SGK2: variants seen among roughly 807,000 people sequenced by gnomAD.
SGK2 encodes serine/threonine-protein kinase Sgk2.
A neutral mutation model predicts 47.5 loss-of-function variants in SGK2; 36 were observed. The observed-to-expected ratio is 0.76, with a 90% confidence interval of 0.58 to 1.00. The LOEUF (loss-of-function observed/expected upper bound fraction) is 1.00. Ranked by LOEUF, SGK2 falls within the 50% of genes least tolerant of loss-of-function variation. SGK2 has a pLI of 0.00. For synonymous variants in SGK2, 157 were observed against 181.9 expected (o/e 0.86, Z 1.10); for missense variants, 404 against 467.4 (o/e 0.86, Z 1.25).
At chr20:43,574,776 AAC>A (rs1980362552) in intron 9 of SGK2, 131 bp from the exon 10 acceptor site, 99 of 615,348 alleles carry the variant, frequency 1.6e-4, no homozygotes, top group Middle Eastern at 2.7e-4. Context: ...CTGATGCATG[AAC>A]ACACACACAG....
At chr20:43,576,406 G>A (rs1305736690) in intron 11 of SGK2, 27 bp downstream of exon 11, 1 of 1,606,790 alleles carries the variant, frequency 6.2e-7, no homozygotes. Flanking sequence ...TGGAGCACTG[G>A]CCCCCATGGG....
At chr20:43,566,267 T>G in intron 1 of SGK2, 10 of 1,391,140 alleles carry the variant, frequency 7.2e-6, no homozygotes, top group Non-Finnish European at 1.0e-5. Flanking sequence ...CCTTCTGAGA[T>G]GTTTGTTAGG....
chr20:43,579,410 G>C (rs1374967796), intron 11 of SGK2, among the ~76,000 whole-genome samples: 1 of 152,158 alleles, frequency 6.6e-6, no homozygotes, highest in African/African-American at 2.4e-5. Context: ...AACACAGATA[G>C]AGGATGTGAT....
rs1346550101 is a variant in SGK2, at chr20:43,585,555, G to A, written c.*539G>A. The A allele has an allele frequency of 1.3e-5, 2 of 153,142 alleles. No homozygotes were observed. Among genetic ancestry groups the A allele is most frequent in the Admixed American group, 1.3e-4 (2 of 15,492 alleles). 9.5% of individuals were successfully genotyped at this position (153,142 alleles called of 1,614,324 possible). A position where few individuals can be genotyped will look rare whatever the true frequency, so the allele number is the denominator to read the frequency against. On this transcript the variant is annotated 3_prime_UTR_variant, in exon 13 of 13. Transcript: ENST00000373100. ...TTACCAGAGGGCCTCCTGGTGTTTGGATTTTGATCTCAATGTGTAAAATGA... is the reference window on the plus strand; with the variant it reads ...TTACCAGAGGGCCTCCTGGTGTTTGAATTTTGATCTCAATGTGTAAAATGA...
chr20:43,574,827 T>C, intron 9 of SGK2, 82 bp from the exon 10 acceptor site: 1 of 973,412 alleles, frequency 1.0e-6, no homozygotes, highest in Non-Finnish European at 1.6e-6. Context: ...CTCTTGGTCA[T>C]CTTCCTCCAA....
At chr20:43,560,032 A>G (rs1979290902) in intron 1 of SGK2, among the ~76,000 whole-genome samples, 1 of 152,018 alleles carries the variant, frequency 6.6e-6, no homozygotes, top group South Asian at 2.1e-4. Context: ...GGTGCGAGAG[A>G]GAAGAAAGCC....
chr20:43,566,649 A>T, intron 2 of SGK2, 118 bp downstream of exon 2: 1 of 679,148 alleles, frequency 1.5e-6, no homozygotes, highest in Non-Finnish European at 2.5e-6. Context: ...GCACATAGAA[A>T]TGAGCCACTT....
rs11467250 is a variant in SGK2 at position 43,571,064 on chromosome 20, G to GGTGTGTGTGTGTGTGTGTGTGT, written c.510+21_510+42dup. ...GAACATTCTCTTGGACTGCCAGGTT[G>GGTGTGTGTGTGTGTGTGTGTGT]GTGTGTGTGTGTGTGTGTGTGTGTG... On this transcript the variant is annotated splice_donor_region_variant and intron_variant, in intron 8 of 12. Coordinates refer to ENST00000373100, the MANE Select transcript of SGK2 (RefSeq NM_170693.3). The GGTGTGTGTGTGTGTGTGTGTGT allele has an allele frequency of 7.7e-7, 1 of 1,299,508 alleles. No homozygotes were observed. Among genetic ancestry groups the GGTGTGTGTGTGTGTGTGTGTGT allele is most frequent in the African/African-American group, 1.5e-5 (1 of 66,818 alleles). 80.5% of individuals were successfully genotyped at this position (1,299,508 alleles called of 1,614,324 possible).
intron 9 of SGK2, among the ~76,000 whole-genome samples, chr20:43,573,215 G>A (rs546913968): frequency 5.3e-5 from 8 of 152,326 alleles, no homozygotes; most frequent in Admixed American, 1.3e-4. Context: ...TGGGCCAGGC[G>A]TGGTGGCTCA....
At chr20:43,565,488 G>A (rs1310323388) in intron 1 of SGK2, among the ~76,000 whole-genome samples, 5 of 152,202 alleles carry the variant, frequency 3.3e-5, no homozygotes, top group Non-Finnish European at 7.4e-5. Flanking sequence ...TGGGCTGGGG[G>A]ATCCTCTCAG....
intron 12 of SGK2, 35 bp from the exon 13 acceptor site, chr20:43,584,817 G>A (rs760819967): frequency 7.5e-6 from 12 of 1,595,662 alleles, no homozygotes; most frequent in Admixed American, 1.7e-5. Context: ...CTCTGACCCC[G>A]GTGTTTTCTT....
intron 1 of SGK2, among the ~76,000 whole-genome samples, chr20:43,561,534 C>T (rs1317999907): frequency 6.6e-6 from 1 of 151,890 alleles, no homozygotes; most frequent in Non-Finnish European, 1.5e-5. Context: ...GGACTACAGG[C>T]ACATATCACC....
chr20:43,574,735 G>T (rs1263970177), intron 9 of SGK2, among the ~76,000 whole-genome samples, 174 bp from the exon 10 acceptor site: 1 of 152,170 alleles, frequency 6.6e-6, no homozygotes, highest in Non-Finnish European at 1.5e-5. Flanking sequence ...ATGGCAAAGG[G>T]CCCTGCAGAA....
At chr20:43,582,329 T>C (rs562705565) in intron 12 of SGK2, among the ~76,000 whole-genome samples, 3 of 152,332 alleles carry the variant, frequency 2.0e-5, no homozygotes, top group African/African-American at 7.2e-5. Flanking sequence ...AGTGCTGGGA[T>C]AACAGGTGTG....
chr20:43,562,417 CAAAAAAAAAAAAA>C (rs111670042), intron 1 of SGK2, among the ~76,000 whole-genome samples: 1 of 49,936 alleles, frequency 2.0e-5, no homozygotes, highest in Non-Finnish European at 3.8e-5. Flanking sequence ...AACCATGTCT[CAAAAAAAAAAAAA>C]AAAAAAAAAA....
At chr20:43,562,261 A>G (rs1426493168) in intron 1 of SGK2, among the ~76,000 whole-genome samples, 1 of 150,832 alleles carries the variant, frequency 6.6e-6, no homozygotes, top group East Asian at 1.9e-4. Context: ...AAAAAGTACA[A>G]AAAAAAATTA....
At chr20:43,563,062 G>C (rs145089071) in intron 1 of SGK2, among the ~76,000 whole-genome samples, 2,982 of 150,642 alleles carry the variant, frequency 0.02, 41 homozygotes, top group Non-Finnish European at 0.033. Context: ...CTTGAACCTG[G>C]GAGGCAGAGG....
intron 1 of SGK2, among the ~76,000 whole-genome samples, chr20:43,562,002 C>A (rs1979415472): frequency 6.6e-6 from 1 of 152,090 alleles, no homozygotes; most frequent in Non-Finnish European, 1.5e-5. Context: ...CTCAAAGTTG[C>A]TGGCTTGAAC....
At chr20:43,561,192 G>T (rs575544384) in intron 1 of SGK2, among the ~76,000 whole-genome samples, 68 of 152,156 alleles carry the variant, frequency 4.5e-4, no homozygotes, top group Non-Finnish European at 3.4e-4. Context: ...GTGCCTGGGG[G>T]AAGAGTGTTG....
Sources: allele counts gnomAD v4.1 joint callset (sites outside exome capture counted in the v4.1 genomes callset), GRCh38; gene constraint gnomAD v4.1.1; transcripts MANE v1.5; gene names NCBI Gene and HGNC (gene_info 2026-07-23, HGNC 2026-07-21).